Variants in JARID2 observed in about 807,000 individuals in gnomAD.
The protein encoded by JARID2 is protein Jumonji.
In JARID2, 21 loss-of-function variants were observed where a neutral mutation model predicts 125.6. The observed-to-expected ratio is 0.17, with a 90% confidence interval of 0.12 to 0.24. The LOEUF (loss-of-function observed/expected upper bound fraction) is 0.24, where lower values mean the gene tolerates loss of function less well. Ranked by LOEUF, JARID2 falls within the 10% of genes least tolerant of loss-of-function variation. JARID2 has a pLI of 1.00. For missense variants in JARID2, 1,303 were observed against 1,639.6 expected, an observed-to-expected ratio of 0.79 and a Z score of 3.55; for synonymous variants, 736 against 661.6, an observed-to-expected ratio of 1.11 and a Z score of -1.73.
chr6:15,478,543 T>C lies in JARID2; in HGVS notation c.671-8764T>C, dbSNP rs1769461366. Among the ~76,000 whole-genome samples, 4 of 152,232 alleles carry C rather than the reference T, an allele frequency of 2.6e-5. No individual in the cohort carries two copies. The Middle Eastern group carries it at 0.014, about 518-fold the overall frequency. Reference sequence around the variant, plus strand: ...TAACTCGCATGTGCATATTTAAGGGTGTTTCTCTCTCGGTGTGTAGTAAAC... The same window carrying C: ...TAACTCGCATGTGCATATTTAAGGGCGTTTCTCTCTCGGTGTGTAGTAAAC... On this transcript the variant is annotated intron_variant, in intron 5 of 17. Transcript: ENST00000341776.
rs557857812 is a variant in JARID2 at position 15,496,900 on chromosome 6, G to T, written c.1675G>T (p.Val559Phe). Residue 559 changes from valine (V) to phenylalanine (F), a missense_variant, in exon 7 of 18, where the codon GTC (valine) becomes TTC (phenylalanine). Transcript: ENST00000341776. Reference protein sequence around the residue: ...AGWAAMDEIPVLRPSAKEFHD... With the variant: ...AGWAAMDEIPFLRPSAKEFHD... ...GTGGGCGGCCATGGACGAGATCCCC[G>T]TCCTCAGGCCCTCCGCCAAGGAGTT... 1 of 1,601,466 alleles carries T rather than the reference G, an allele frequency of 6.2e-7. No homozygotes were observed. Among genetic ancestry groups the T allele is most frequent in the Non-Finnish European group, 8.5e-7 (1 of 1,171,708 alleles).
intron 1 of JARID2, among the ~76,000 whole-genome samples, chr6:15,365,928 G>T (rs1176350891): frequency 1.3e-4 from 19 of 148,818 alleles, no homozygotes; most frequent in African/African-American, 3.0e-4. Flanking sequence ...TTTTTTTTTT[G>T]GAATTAAATC....
intron 8 of JARID2, among the ~76,000 whole-genome samples, chr6:15,503,381 G>T (rs1770834775): frequency 6.6e-6 from 1 of 152,222 alleles, no homozygotes; most frequent in Non-Finnish European, 1.5e-5. Context: ...TTCCTTTGCT[G>T]CAGGAGAGAA....
chr6:15,302,592 G>A (rs912477634), intron 1 of JARID2, among the ~76,000 whole-genome samples: 4 of 151,956 alleles, frequency 2.6e-5, no homozygotes, highest in African/African-American at 4.8e-5. Context: ...TAATTTTTAC[G>A]GTGACCCACT....
At chr6:15,503,798 T>G (rs1371743150) in intron 8 of JARID2, among the ~76,000 whole-genome samples, 1 of 152,152 alleles carries the variant, frequency 6.6e-6, no homozygotes, top group Non-Finnish European at 1.5e-5. Flanking sequence ...GCACCACATT[T>G]CGTGTGGTAG....
intron 1 of JARID2, among the ~76,000 whole-genome samples, chr6:15,332,214 T>C (rs1762733346): frequency 6.6e-6 from 1 of 152,236 alleles, no homozygotes; most frequent in Non-Finnish European, 1.5e-5. Flanking sequence ...AATTTATTAA[T>C]ATTTACAGGG....
intron 1 of JARID2, among the ~76,000 whole-genome samples, chr6:15,288,295 T>C (rs1028662645): frequency 7.3e-6 from 1 of 137,382 alleles, no homozygotes; most frequent in African/African-American, 2.9e-5. Flanking sequence ...CCTCACATGG[T>C]CAGGAGGTGG....
chr6:15,255,322 CT>C (rs781387507), intron 1 of JARID2, among the ~76,000 whole-genome samples: 2 of 152,070 alleles, frequency 1.3e-5, no homozygotes, highest in Non-Finnish European at 2.9e-5. Context: ...CCAGGATGGT[CT>C]CTATCTCTTG....
chr6:15,276,335 GTGGGAGACATGA>G, intron 1 of JARID2, among the ~76,000 whole-genome samples: 1 of 152,350 alleles, frequency 6.6e-6, no homozygotes, highest in East Asian at 1.9e-4. Context: ...TCTACATGGC[GTGGGAGACATGA>G]TGCTTGCCTA....
At position 15,247,851 on chromosome 6, in the gene JARID2, C is replaced by A; in HGVS notation, c.45+1267C>A. 8.1e-6 allele frequency: 8 copies of A among 985,346 alleles called. No homozygotes were observed. In the South Asian group the frequency reaches 3.3e-4, roughly 41 times the overall value. 61.0% of individuals were successfully genotyped at this position (985,346 alleles called of 1,614,324 possible). Reference sequence around the variant, plus strand: ...AAGAATTTAAGAATTAAAATACATCCGCATTGCAGAGGGCTGGGTAGAATG... The same window carrying A: ...AAGAATTTAAGAATTAAAATACATCAGCATTGCAGAGGGCTGGGTAGAATG... On this transcript the variant is annotated intron_variant, in intron 1 of 17. Transcript: ENST00000341776.
At chr6:15,456,878 C>CTTTTTTT (rs71535043) in intron 4 of JARID2, among the ~76,000 whole-genome samples, 4,138 of 95,502 alleles carry the variant, frequency 0.043, 330 homozygotes, top group Middle Eastern at 0.082. Context: ...GGATGTTAAG[C>CTTTTTTT]TTTTTTTTTT....
chr6:15,508,785 G>A (rs115271005), intron 12 of JARID2, among the ~76,000 whole-genome samples: 99 of 152,150 alleles, frequency 6.5e-4, no homozygotes, highest in African/African-American at 2.3e-3. Flanking sequence ...GTTTTGTTTC[G>A]TTTTGTTTTG....
At chr6:15,448,600 T>A (rs890564660) in intron 3 of JARID2, among the ~76,000 whole-genome samples, 1 of 152,214 alleles carries the variant, frequency 6.6e-6, no homozygotes, top group Non-Finnish European at 1.5e-5. Flanking sequence ...AAAATACTTT[T>A]CAGTAGAATT....
intron 2 of JARID2, among the ~76,000 whole-genome samples, chr6:15,402,057 CAG>C (rs1274186845): frequency 1.3e-5 from 2 of 152,102 alleles, no homozygotes; most frequent in African/African-American, 4.8e-5. Context: ...ACAAAGAAAA[CAG>C]AACTTAGAAC....
chr6:15,443,443 A>G (rs1767531362), intron 3 of JARID2, among the ~76,000 whole-genome samples: 1 of 152,094 alleles, frequency 6.6e-6, no homozygotes, highest in African/African-American at 2.4e-5. Flanking sequence ...TGGAATTGTG[A>G]TATCTTTCTA....
chr6:15,320,996 G>A (rs1020913736), intron 1 of JARID2, among the ~76,000 whole-genome samples: 5 of 151,952 alleles, frequency 3.3e-5, no homozygotes, highest in African/African-American at 1.2e-4. Context: ...CAAATTTGGG[G>A]ATGGGAGGCG....
At chr6:15,318,212 CA>C (rs1257033280) in intron 1 of JARID2, among the ~76,000 whole-genome samples, 56 of 140,522 alleles carry the variant, frequency 4.0e-4, no homozygotes, top group Admixed American at 5.7e-4. Flanking sequence ...ACTCCGTTTC[CA>C]AAAAAAAAAA....
At chr6:15,492,066 A>ATATC in intron 6 of JARID2, among the ~76,000 whole-genome samples, 1 of 152,364 alleles carries the variant, frequency 6.6e-6, no homozygotes, top group South Asian at 2.1e-4. Flanking sequence ...GATTGCTTTA[A>ATATC]TATCTCATGG....
chr6:15,501,718 A>T (rs2127745012), intron 8 of JARID2, among the ~76,000 whole-genome samples: 1 of 152,162 alleles, frequency 6.6e-6, no homozygotes, highest in Non-Finnish European at 1.5e-5. Context: ...CCAGTGAGGG[A>T]GGGGAAGTCC....
Sources: gnomAD v4.1 joint callset for allele counts (sites outside exome capture counted in the v4.1 genomes callset) on GRCh38, gnomAD v4.1.1 for gene constraint, MANE v1.5 for transcripts, NCBI Gene and HGNC (gene_info 2026-07-23, HGNC 2026-07-21) for gene names.